Variants in WWOX observed in about 807,000 individuals in gnomAD.
WWOX encodes WW domain-containing oxidoreductase.
In WWOX, 69 loss-of-function variants were observed where a neutral mutation model predicts 46.2. The observed-to-expected ratio is 1.49, with a 90% CI of 1.23 to 1.82. The LOEUF (loss-of-function observed/expected upper bound fraction) is 1.82. Ranked by LOEUF, WWOX falls within the 40% of genes most tolerant of loss-of-function variation. The pLI is 0.00. For synonymous variants in WWOX, 359 were observed against 202.6 expected (o/e 1.77, Z -6.56); for missense variants, 919 against 542.6 (o/e 1.69, Z -6.89).
chr16:79,025,979 T>G (rs946394466), intron 8 of WWOX, among the ~76,000 whole-genome samples: 19 of 149,206 alleles, frequency 1.3e-4, no homozygotes, highest in African/African-American at 4.9e-4. Context: ...TTTTGGATTT[T>G]TAGTAGAGAT....
intron 8 of WWOX, among the ~76,000 whole-genome samples, chr16:79,012,168 C>G (rs1049696261): frequency 2.0e-5 from 3 of 152,258 alleles, no homozygotes; most frequent in African/African-American, 7.2e-5. Context: ...TATCTCTGCC[C>G]TGTCCAGTAT....
intron 8 of WWOX, among the ~76,000 whole-genome samples, chr16:79,175,247 T>C (rs1436976742): frequency 6.6e-6 from 1 of 152,228 alleles, no homozygotes; most frequent in Non-Finnish European, 1.5e-5. Flanking sequence ...TGCTTCTCAG[T>C]GATGAAATGT....
At chr16:78,576,213 T>G (rs960731497) in intron 8 of WWOX, among the ~76,000 whole-genome samples, 1 of 152,218 alleles carries the variant, frequency 6.6e-6, no homozygotes, top group Non-Finnish European at 1.5e-5. Context: ...TCTTGAGGTA[T>G]CTTTTAAATA....
At chr16:78,592,282 C>T (rs1369641153) in intron 8 of WWOX, among the ~76,000 whole-genome samples, 1 of 152,170 alleles carries the variant, frequency 6.6e-6, no homozygotes, top group Non-Finnish European at 1.5e-5. Flanking sequence ...CTAAATAGGA[C>T]ATATGTGTCT....
At chr16:78,314,632 C>A (rs1287984796) in intron 5 of WWOX, among the ~76,000 whole-genome samples, 1 of 143,342 alleles carries the variant, frequency 7.0e-6, no homozygotes. Context: ...TCAAGCGATT[C>A]TTCTGCCTCA....
At chr16:78,954,953 C>G (rs1285220537) in intron 8 of WWOX, among the ~76,000 whole-genome samples, 2 of 152,094 alleles carry the variant, frequency 1.3e-5, no homozygotes, top group Admixed American at 6.6e-5. Flanking sequence ...CCATGCCAGT[C>G]TAATTTTTAA....
At chr16:78,822,226 G>T (rs534266750) in intron 8 of WWOX, among the ~76,000 whole-genome samples, 1 of 152,150 alleles carries the variant, frequency 6.6e-6, no homozygotes. Flanking sequence ...AGGTGTGGTG[G>T]CTTACCCCTG....
intron 5 of WWOX, among the ~76,000 whole-genome samples, chr16:78,277,568 G>T (rs958674605): frequency 6.6e-6 from 1 of 152,134 alleles, no homozygotes; most frequent in African/African-American, 2.4e-5. Context: ...GGGCACAGTG[G>T]GGAACCTGGC....
At chr16:79,112,781 C>A (rs76663638) in intron 8 of WWOX, among the ~76,000 whole-genome samples, 12 of 152,030 alleles carry the variant, frequency 7.9e-5, no homozygotes, top group African/African-American at 2.7e-4. Flanking sequence ...CATCTAGTTT[C>A]GCCGCCTCGT....
In WWOX at chr16:79,187,607, A is replaced by G. The variant is rs367866403; in HGVS notation, c.1057-24001A>G. On this transcript the variant is annotated intron_variant, in intron 8 of 8. Coordinates refer to ENST00000566780, the MANE Select transcript of WWOX (RefSeq NM_016373.4). ...TTTTTAGTGGAGACAGGGTTTCACC[A>G]TGTTGGCCAGGCTGGTCTTGAACTC... is the stretch of plus-strand genomic sequence containing the variant. Among the ~76,000 whole-genome samples the G allele has an allele frequency of 7.2e-5, 11 of 152,266 alleles. No homozygotes were observed. The South Asian group carries it at 1.0e-3, about 14-fold the overall frequency.
chr16:78,961,142 A>G (rs1273328203), intron 8 of WWOX, among the ~76,000 whole-genome samples: 2 of 152,214 alleles, frequency 1.3e-5, no homozygotes, highest in African/African-American at 4.8e-5. Flanking sequence ...TTCAATGGTT[A>G]TGTTCCAGAT....
At chr16:79,010,275 C>G (rs1432358878) in intron 8 of WWOX, among the ~76,000 whole-genome samples, 2 of 152,082 alleles carry the variant, frequency 1.3e-5, no homozygotes, top group Non-Finnish European at 2.9e-5. Flanking sequence ...GAGGAGCAGA[C>G]GAGGGAGACA....
intron 8 of WWOX, among the ~76,000 whole-genome samples, chr16:79,159,943 C>T (rs1166945952): frequency 1.3e-5 from 2 of 152,138 alleles, no homozygotes; most frequent in East Asian, 1.9e-4. Flanking sequence ...CAACCCTCCC[C>T]AGGTGAAAGC....
At chr16:78,643,292 A>G (rs2046763970) in intron 8 of WWOX, among the ~76,000 whole-genome samples, 1 of 152,224 alleles carries the variant, frequency 6.6e-6, no homozygotes, top group Non-Finnish European at 1.5e-5. Flanking sequence ...GCATAGTCAT[A>G]TTTGGCTAAC....
At chr16:78,857,218 T>C (rs959811997) in intron 8 of WWOX, among the ~76,000 whole-genome samples, 1 of 152,110 alleles carries the variant, frequency 6.6e-6, no homozygotes, top group Non-Finnish European at 1.5e-5. Flanking sequence ...TGGGCAAAGA[T>C]AATGAACAAG....
chr16:78,921,995 C>G (rs933594614), intron 8 of WWOX, among the ~76,000 whole-genome samples: 1 of 152,344 alleles, frequency 6.6e-6, no homozygotes, highest in East Asian at 1.9e-4. Context: ...TGTGAAGCTT[C>G]TATTGTCCTC....
intron 8 of WWOX, among the ~76,000 whole-genome samples, chr16:78,908,855 C>T (rs117985507): frequency 7.2e-5 from 11 of 152,264 alleles, no homozygotes; most frequent in South Asian, 2.1e-4. Context: ...TACTGATGTT[C>T]GGTTTTACCA....
chr16:78,732,377 A>G (rs2048990287), intron 8 of WWOX, among the ~76,000 whole-genome samples: 1 of 152,130 alleles, frequency 6.6e-6, no homozygotes, highest in Non-Finnish European at 1.5e-5. Context: ...AGGCCCAAAT[A>G]GAGAGGAATT....
At chr16:78,100,044 T>G in intron 1 of WWOX, 159 bp downstream of exon 1, 1 of 1,425,044 alleles carries the variant, frequency 7.0e-7, no homozygotes, top group African/African-American at 1.5e-5. Context: ...GGGTTCCCAG[T>G]AGGGGCCGGC....
Sources: gnomAD v4.1 joint callset for allele counts (sites outside exome capture counted in the v4.1 genomes callset) on GRCh38, gnomAD v4.1.1 for gene constraint, MANE v1.5 for transcripts, NCBI Gene and HGNC (gene_info 2026-07-23, HGNC 2026-07-21) for gene names.